EYA4: variants seen among roughly 807,000 people sequenced by gnomAD.
EYA4 encodes EYA transcriptional coactivator and phosphatase 4.
In EYA4, 31 loss-of-function variants were observed where a neutral mutation model predicts 87.9. That is an observed-to-expected ratio of 0.35 (90% CI 0.27 to 0.48). EYA4 has a LOEUF of 0.48. Ranked by LOEUF, EYA4 falls within the 20% of genes least tolerant of loss-of-function variation. The pLI is 0.99. For synonymous variants in EYA4, 263 were observed against 270.6 expected, an observed-to-expected ratio of 0.97 and a Z score of 0.28; for missense variants, 678 against 761.4, an observed-to-expected ratio of 0.89 and a Z score of 1.29.
At chr6:133,311,787 T>C (rs1354925644) in intron 2 of EYA4, among the ~76,000 whole-genome samples, 1 of 152,160 alleles carries the variant, frequency 6.6e-6, no homozygotes, top group African/African-American at 2.4e-5. Flanking sequence ...TCAGGAATGT[T>C]CATTAAAACA....
Position 133,462,365 on chromosome 6 carries a change from A to G in EYA4, c.468A>G (p.Ala156=). The G allele has an allele frequency of 6.2e-7, 1 of 1,614,092 alleles. No individual in the cohort carries two copies. Among genetic ancestry groups the G allele is most frequent in the Non-Finnish European group, 8.5e-7 (1 of 1,179,938 alleles). ...ATCCACACATTCTTTCTACACCAGC[A>G]GCTCAAACAATGTCTGCCTATGCAG... ...KPYPHILSTP[A]AQTMSAYAGQ... Residue 156 remains alanine, a synonymous_variant, in exon 8 of 20, where the codon GCA becomes GCG. Coordinates refer to ENST00000355286, the MANE Select transcript of EYA4 (RefSeq NM_004100.5).
chr6:133,316,277 AT>A (rs1212146738), intron 2 of EYA4, among the ~76,000 whole-genome samples: 12 of 152,204 alleles, frequency 7.9e-5, no homozygotes, highest in Admixed American at 2.0e-4. Flanking sequence ...AGAAAAAAAA[AT>A]AAGCTGCATT....
At chr6:133,357,009 C>G (rs76525057) in intron 2 of EYA4, among the ~76,000 whole-genome samples, 1 of 151,764 alleles carries the variant, frequency 6.6e-6, no homozygotes, top group East Asian at 1.9e-4. Context: ...CGGTGGCTCA[C>G]GCCTGTAATC....
At chr6:133,270,296 A>C (rs563351277) in intron 1 of EYA4, among the ~76,000 whole-genome samples, 36 of 152,314 alleles carry the variant, frequency 2.4e-4, no homozygotes, top group Non-Finnish European at 4.4e-4. Context: ...ATAAGGTCAT[A>C]ATTATACCTA....
chr6:133,348,001 G>A (rs1783329060), intron 2 of EYA4, among the ~76,000 whole-genome samples: 1 of 152,174 alleles, frequency 6.6e-6, no homozygotes, highest in South Asian at 2.1e-4. Flanking sequence ...TCAAAGAGTA[G>A]GTCAGAAGTT....
At chr6:133,484,343 C>T (rs1019950049) in intron 13 of EYA4, among the ~76,000 whole-genome samples, 2 of 152,080 alleles carry the variant, frequency 1.3e-5, no homozygotes, top group African/African-American at 4.8e-5. Context: ...TTAGCTTTGT[C>T]TATATTAAGC....
intron 11 of EYA4, among the ~76,000 whole-genome samples, chr6:133,473,036 T>C (rs908292371): frequency 6.6e-6 from 1 of 152,026 alleles, no homozygotes; most frequent in Non-Finnish European, 1.5e-5. Flanking sequence ...ATTATATAAA[T>C]ATATAAAGAA....
At chr6:133,473,926 C>G (rs1279226236) in intron 11 of EYA4, among the ~76,000 whole-genome samples, 1 of 151,992 alleles carries the variant, frequency 6.6e-6, no homozygotes. Flanking sequence ...TGTCATGATC[C>G]TCTTTGGGTC....
chr6:133,492,355 AAAGATT>A (rs1477130013), intron 13 of EYA4, among the ~76,000 whole-genome samples: 1 of 152,258 alleles, frequency 6.6e-6, no homozygotes, highest in Non-Finnish European at 1.5e-5. Context: ...TGAAACACAT[AAAGATT>A]ATTTCATCTG....
chr6:133,461,756 A>C (rs1430762159), intron 7 of EYA4, among the ~76,000 whole-genome samples: 3 of 149,410 alleles, frequency 2.0e-5, no homozygotes, highest in African/African-American at 7.4e-5. Context: ...TGAAGGTTGG[A>C]TATCCAATGG....
At chr6:133,510,446 A>G (rs936176278) in intron 14 of EYA4, 6 of 353,040 alleles carry the variant, frequency 1.7e-5, no homozygotes, top group African/African-American at 1.3e-4. Context: ...CTCATCATTT[A>G]GAACTACTTT....
chr6:133,358,493 C>T (rs537484414), intron 2 of EYA4, among the ~76,000 whole-genome samples: 11 of 152,236 alleles, frequency 7.2e-5, no homozygotes, highest in East Asian at 1.9e-4. Flanking sequence ...AAGGAATCAT[C>T]GAATGTAGTT....
rs1283362583 is a variant in EYA4 at position 133,468,745 on chromosome 6, C to A, written c.970+14C>A. 5.0e-6 allele frequency: 8 copies of A among 1,612,020 alleles called. No individual in the cohort carries two copies. Among genetic ancestry groups the A allele is most frequent in the Non-Finnish European group, 6.8e-6 (8 of 1,178,508 alleles). On this transcript the variant is annotated intron_variant, in intron 11 of 19. Transcript: ENST00000355286. ...CTAACCAACCAGGTACAGATCTTCA[C>A]CCAGGTGAAATACTTTTATATGTTT...
At chr6:133,326,688 C>T (rs1385208588) in intron 2 of EYA4, among the ~76,000 whole-genome samples, 5 of 152,216 alleles carry the variant, frequency 3.3e-5, no homozygotes, top group African/African-American at 9.6e-5. Context: ...GGGACCTTGC[C>T]GGCTTGCCTG....
intron 6 of EYA4, among the ~76,000 whole-genome samples, chr6:133,459,295 T>G (rs1302304712): frequency 6.6e-6 from 1 of 152,160 alleles, no homozygotes; most frequent in Non-Finnish European, 1.5e-5. Flanking sequence ...GAGTACATTA[T>G]TCTAATGATG....
In EYA4 at chr6:133,529,194, G is replaced by T; in HGVS notation, c.*389G>T. The T allele has an allele frequency of 1.7e-6, 2 of 1,154,896 alleles. No individual in the cohort carries two copies. Among genetic ancestry groups the T allele is most frequent in the East Asian group, 1.2e-4 (2 of 16,124 alleles). The allele number at this position is 1,154,896 out of a possible 1,614,324, so 71.5% of individuals were successfully genotyped here. On this transcript the variant is annotated 3_prime_UTR_variant, in exon 20 of 20. Transcript: ENST00000355286. The stretch of plus-strand genomic sequence containing the variant: ...AATGGGAGATCTTCTCAGCCCTGAG[G>T]TTTGAATCTGACTTTAGCCTACCTA...
intron 17 of EYA4, among the ~76,000 whole-genome samples, chr6:133,517,625 G>A (rs1220545542): frequency 6.6e-6 from 1 of 152,180 alleles, no homozygotes; most frequent in African/African-American, 2.4e-5. Flanking sequence ...AGGCAGAGCT[G>A]CATGGATAGC....
intron 11 of EYA4, among the ~76,000 whole-genome samples, chr6:133,476,819 G>A (rs914583265): frequency 1.3e-5 from 2 of 151,992 alleles, no homozygotes; most frequent in Non-Finnish European, 2.9e-5. Context: ...AACTTCCATA[G>A]CATTTTCTAT....
intron 2 of EYA4, among the ~76,000 whole-genome samples, chr6:133,306,109 G>T (rs1391752840): frequency 1.3e-5 from 2 of 152,082 alleles, no homozygotes; most frequent in African/African-American, 2.4e-5. Context: ...GATGCTTCTG[G>T]TTCCTTTTCT....
Sources: gnomAD v4.1 joint callset for allele counts (sites outside exome capture counted in the v4.1 genomes callset) on GRCh38, gnomAD v4.1.1 for gene constraint, MANE v1.5 for transcripts, NCBI Gene and HGNC (gene_info 2026-07-23, HGNC 2026-07-21) for gene names.